Variants in FSTL5 observed in about 807,000 individuals in gnomAD.
The protein encoded by FSTL5 is follistatin like 5.
A neutral mutation model predicts 89.1 loss-of-function variants in FSTL5; 62 were observed. The ratio of observed to expected loss-of-function variants is 0.70; its 90% CI spans 0.57 to 0.86. The LOEUF is 0.86. Among genes scored for constraint, FSTL5 ranks in the 40% least tolerant of loss-of-function variants. The pLI is 0.00. For missense variants in FSTL5, 1,057 were observed against 1,001.6 expected, an observed-to-expected ratio of 1.06 and a Z score of -0.75; for synonymous variants, 383 against 346.2, an observed-to-expected ratio of 1.11 and a Z score of -1.18.
chr4:161,645,920 AG>A (rs1736138571), intron 7 of FSTL5, among the ~76,000 whole-genome samples: 2 of 151,886 alleles, frequency 1.3e-5, no homozygotes, highest in South Asian at 4.1e-4. Flanking sequence ...TTTTAGTTGA[AG>A]TGGAATAAGA....
chr4:161,793,555 T>A (rs1170188315), intron 4 of FSTL5, among the ~76,000 whole-genome samples: 2 of 152,178 alleles, frequency 1.3e-5, no homozygotes, highest in African/African-American at 4.8e-5. Context: ...GGAATTTTTT[T>A]CTTTTATTGA....
chr4:161,640,183 A>T (rs1735900104), intron 7 of FSTL5, among the ~76,000 whole-genome samples: 1 of 152,204 alleles, frequency 6.6e-6, no homozygotes, highest in African/African-American at 2.4e-5. Context: ...ATTAAAAAGA[A>T]GAAAATTCTG....
chr4:161,920,559 G>A lies in FSTL5; in HGVS notation c.254C>T (p.Ala85Val). The change falls in exon 4 of 16, where the codon GCA becomes GTA. Residue 85 changes from alanine (A) to valine (V), a missense_variant. Ala to Val is a moderately conservative substitution (Grantham distance 64, BLOSUM62 0). Around this residue, in one of 3 missense-constraint regions of FSTL5, gnomAD observed 980 missense variants for 903.2 expected, o/e 1.08. Transcript: ENST00000306100. ...GCAAAGGTCCATACAGGCACATTCT[G>A]CTTGCCCTGTCTCTCTGCTGGTAAC... Reference protein sequence around the residue: ...HCVTSRETGQAECACMDLCKR... With the variant: ...HCVTSRETGQVECACMDLCKR... 4.3e-6 allele frequency: 7 copies of A among 1,613,938 alleles called. No individual in the cohort carries two copies. Among genetic ancestry groups the A allele is most frequent in the Non-Finnish European group, 5.9e-6 (7 of 1,179,958 alleles).
At chr4:161,972,266 T>C (rs1440936311) in intron 3 of FSTL5, among the ~76,000 whole-genome samples, 1 of 152,072 alleles carries the variant, frequency 6.6e-6, no homozygotes, top group African/African-American at 2.4e-5. Context: ...TAATTTTTTG[T>C]ATTTTTTGTG....
intron 10 of FSTL5, among the ~76,000 whole-genome samples, chr4:161,531,463 T>A (rs552481602): frequency 3.9e-5 from 6 of 152,280 alleles, no homozygotes; most frequent in African/African-American, 9.6e-5. Context: ...TCTTTCCCCA[T>A]TTTTATTGTT....
intron 6 of FSTL5, among the ~76,000 whole-genome samples, chr4:161,690,097 C>G (rs1737878909): frequency 6.6e-6 from 1 of 152,164 alleles, no homozygotes; most frequent in South Asian, 2.1e-4. Flanking sequence ...CATACATAAA[C>G]AAGTATTTAC....
chr4:162,023,056 A>G (rs968550398), intron 3 of FSTL5: 4 of 152,130 alleles, frequency 2.6e-5, no homozygotes, highest in African/African-American at 9.7e-5. Flanking sequence ...TAACGAAACT[A>G]CACGTGTATC....
At chr4:161,468,005 A>G (rs1190670398) in intron 13 of FSTL5, among the ~76,000 whole-genome samples, 1 of 152,180 alleles carries the variant, frequency 6.6e-6, no homozygotes, top group Non-Finnish European at 1.5e-5. Context: ...TTCATTCCAT[A>G]TACTCAGGAG....
At chr4:162,132,312 T>C (rs776763298) in intron 1 of FSTL5, among the ~76,000 whole-genome samples, 6 of 152,186 alleles carry the variant, frequency 3.9e-5, no homozygotes, top group Non-Finnish European at 7.3e-5. Flanking sequence ...TATGGCACAC[T>C]TGAGAATTTT....
At chr4:161,849,324 C>T (rs1731477443) in intron 4 of FSTL5, among the ~76,000 whole-genome samples, 1 of 151,966 alleles carries the variant, frequency 6.6e-6, no homozygotes, top group Non-Finnish European at 1.5e-5. Flanking sequence ...CAAGGTCTGG[C>T]CTATTTGAGT....
intron 2 of FSTL5, among the ~76,000 whole-genome samples, chr4:162,054,135 A>G (rs1229946106): frequency 2.6e-5 from 4 of 151,012 alleles, no homozygotes; most frequent in Non-Finnish European, 5.9e-5. Context: ...AACTGTAAGT[A>G]TTCAGGATGC....
chr4:162,158,136 C>G (rs1176909923), intron 1 of FSTL5, among the ~76,000 whole-genome samples: 1 of 151,892 alleles, frequency 6.6e-6, no homozygotes, highest in Non-Finnish European at 1.5e-5. Context: ...CAGTTGATAC[C>G]ACAAATGCTG....
At chr4:161,780,573 C>T (rs7665339) in intron 4 of FSTL5, among the ~76,000 whole-genome samples, 111,579 of 152,052 alleles carry the variant, frequency 0.73, 40,993 homozygotes, top group Non-Finnish European at 0.76. Context: ...ATGGATACAG[C>T]GTCACTAGGG....
intron 4 of FSTL5, among the ~76,000 whole-genome samples, chr4:161,860,027 C>G (rs549639723): frequency 2.1e-4 from 32 of 152,168 alleles, no homozygotes; most frequent in South Asian, 1.7e-3. Flanking sequence ...TGTGGCTCAC[C>G]CCTGTAATCA....
chr4:161,691,088 T>C lies in FSTL5; in HGVS notation c.728-34594A>G, dbSNP rs564541509. ...ATCTATTTTTTTCTTTTATCGCTCA[T>C]GCTTTTTATGTAAAATCAAATAATA... is the stretch of plus-strand genomic sequence containing the variant. On this transcript the variant is annotated intron_variant, in intron 6 of 15. Transcript: ENST00000306100. Among the ~76,000 whole-genome samples the C allele has an allele frequency of 2.6e-5, 4 of 152,288 alleles. No individual in the cohort carries two copies. In the East Asian group the frequency reaches 7.7e-4, roughly 29 times the overall value.
chr4:161,783,523 TCTTTCTTTCTTTCAGTGCATTATGTCTG>T (rs1190713129), intron 4 of FSTL5, among the ~76,000 whole-genome samples: 2 of 150,452 alleles, frequency 1.3e-5, no homozygotes. Context: ...CATTATGTCT[TCTTTCTTTCTTTCAGTGCATTATGTCTG>T]CTTTCTTTCT....
chr4:161,526,565 T>C (rs1731226930), intron 10 of FSTL5, among the ~76,000 whole-genome samples: 1 of 152,170 alleles, frequency 6.6e-6, no homozygotes, highest in Non-Finnish European at 1.5e-5. Flanking sequence ...TCTTCTAGGG[T>C]TTTTATGGTT....
At chr4:161,980,922 G>A (rs995082971) in intron 3 of FSTL5, among the ~76,000 whole-genome samples, 1 of 151,420 alleles carries the variant, frequency 6.6e-6, no homozygotes, top group African/African-American at 2.4e-5. Context: ...GGTCACGCCC[G>A]GCTAATTTTT....
intron 4 of FSTL5, among the ~76,000 whole-genome samples, chr4:161,807,155 T>C (rs1210008067): frequency 6.6e-6 from 1 of 150,654 alleles, no homozygotes; most frequent in African/African-American, 2.5e-5. Context: ...GAATGATAAA[T>C]CAAGGCCATC....
Sources: allele counts gnomAD v4.1 joint callset (sites outside exome capture counted in the v4.1 genomes callset), GRCh38; gene constraint gnomAD v4.1.1; regional missense constraint gnomAD v4.1.1; transcripts MANE v1.5; gene names NCBI Gene and HGNC (gene_info 2026-07-23, HGNC 2026-07-21).